CA10: variants seen among roughly 807,000 people sequenced by gnomAD.
CA10 encodes the protein carbonic anhydrase 10 (inactive).
In CA10, 14 loss-of-function variants were observed where a neutral mutation model predicts 44.2. The observed-to-expected ratio is 0.32, with a 90% CI of 0.21 to 0.50. The LOEUF is 0.50. CA10 is among the 20% of genes least tolerant of loss of function. The pLI is 0.99. For missense variants in CA10, 350 were observed against 409.7 expected, an observed-to-expected ratio of 0.85 and a Z score of 1.26; for synonymous variants, 159 against 141.6, an observed-to-expected ratio of 1.12 and a Z score of -0.87.
At chr17:51,704,879 CT>C (rs770898853) in intron 4 of CA10, among the ~76,000 whole-genome samples, 8 of 150,860 alleles carry the variant, frequency 5.3e-5, no homozygotes, top group Non-Finnish European at 1.0e-4. Flanking sequence ...AGGAGAATCG[CT>C]TGAAGCTGGG....
intron 3 of CA10, among the ~76,000 whole-genome samples, chr17:51,811,138 G>C (rs1313117480): frequency 6.7e-6 from 1 of 150,232 alleles, no homozygotes; most frequent in Non-Finnish European, 1.5e-5. Context: ...AGAGGTTGCA[G>C]TGAGCCAAGG....
At chr17:51,682,305 G>T (rs1914874232) in intron 4 of CA10, among the ~76,000 whole-genome samples, 1 of 152,204 alleles carries the variant, frequency 6.6e-6, no homozygotes, top group Non-Finnish European at 1.5e-5. Flanking sequence ...TTTATTCTGA[G>T]AGTTGGGCCA....
At chr17:51,722,082 A>T (rs1430986960) in intron 4 of CA10, among the ~76,000 whole-genome samples, 1 of 152,124 alleles carries the variant, frequency 6.6e-6, no homozygotes, top group African/African-American at 2.4e-5. Context: ...TTGCGATCTG[A>T]TGTTAACTTT....
At chr17:51,699,340 T>A (rs774568884) in intron 4 of CA10, among the ~76,000 whole-genome samples, 43 of 140,292 alleles carry the variant, frequency 3.1e-4, no homozygotes, top group Non-Finnish European at 5.6e-4. Context: ...AAAAAAAAAA[T>A]TATTTCCTTT....
intron 8 of CA10, among the ~76,000 whole-genome samples, chr17:51,632,633 A>G (rs1235125947): frequency 6.6e-6 from 1 of 152,160 alleles, no homozygotes; most frequent in Non-Finnish European, 1.5e-5. Context: ...ACTGTCACGA[A>G]GAAGCCAGGT....
chr17:51,706,581 C>T (rs1915769238), intron 4 of CA10, among the ~76,000 whole-genome samples: 1 of 152,218 alleles, frequency 6.6e-6, no homozygotes, highest in Non-Finnish European at 1.5e-5. Flanking sequence ...ATGGTCTTCT[C>T]TTGGCTAACA....
intron 2 of CA10, among the ~76,000 whole-genome samples, chr17:52,039,694 T>A (rs1317210157): frequency 6.6e-6 from 1 of 152,108 alleles, no homozygotes; most frequent in African/African-American, 2.4e-5. Context: ...TCACCCTATA[T>A]TTAAGTTAGA....
In CA10 at chr17:51,897,800, C is replaced by T. The variant is rs2651634; in HGVS notation, c.279+33190G>A. On this transcript the variant is annotated intron_variant, in intron 3 of 8. Coordinates refer to ENST00000451037, the MANE Select transcript of CA10 (RefSeq NM_020178.5). ...TTTACCTCCCTGGTTAGCTGTATTC[C>T]TAGGTATTTTATTCTTTTTTGTGGC... Among the ~76,000 whole-genome samples, 19 of 152,084 alleles carry T rather than the reference C, an allele frequency of 1.2e-4. No homozygotes were observed. In the East Asian group the frequency reaches 3.7e-3, roughly 29 times the overall value.
intron 3 of CA10, among the ~76,000 whole-genome samples, chr17:51,751,433 T>C (rs1313086153): frequency 6.6e-6 from 1 of 152,260 alleles, no homozygotes; most frequent in African/African-American, 2.4e-5. Context: ...GTATGTCATA[T>C]GTATTTTACA....
chr17:52,142,970 A>G (rs1325967282), intron 1 of CA10, among the ~76,000 whole-genome samples: 2 of 152,224 alleles, frequency 1.3e-5, no homozygotes, highest in South Asian at 2.1e-4. Flanking sequence ...TAATAGTTAA[A>G]TAAAATACTT....
chr17:51,739,168 T>G (rs768543651), intron 4 of CA10, among the ~76,000 whole-genome samples: 1 of 152,152 alleles, frequency 6.6e-6, no homozygotes, highest in Non-Finnish European at 1.5e-5. Flanking sequence ...CCAACGAATA[T>G]AGGTCATTCT....
intron 3 of CA10, among the ~76,000 whole-genome samples, chr17:51,838,481 T>C (rs1978295066): frequency 6.6e-6 from 1 of 152,240 alleles, no homozygotes; most frequent in African/African-American, 2.4e-5. Flanking sequence ...GAAATAAATG[T>C]ATGAAGTGGC....
At chr17:52,075,728 C>T (rs1206959962) in intron 1 of CA10, among the ~76,000 whole-genome samples, 1 of 152,100 alleles carries the variant, frequency 6.6e-6, no homozygotes, top group African/African-American at 2.4e-5. Flanking sequence ...GAAACGGTGA[C>T]ATCCCTATTG....
chr17:52,020,315 G>T (rs938472277), intron 2 of CA10, among the ~76,000 whole-genome samples: 3 of 151,618 alleles, frequency 2.0e-5, no homozygotes, highest in African/African-American at 7.3e-5. Context: ...TCATTGTTTT[G>T]GGGGGGTGGT....
At chr17:51,663,764 C>T (rs1255023853) in intron 4 of CA10, among the ~76,000 whole-genome samples, 2 of 152,078 alleles carry the variant, frequency 1.3e-5, no homozygotes, top group Non-Finnish European at 2.9e-5. Flanking sequence ...GGGAGAGGCC[C>T]TAGAATGATG....
At chr17:52,056,309 CA>C (rs1165445150) in intron 2 of CA10, among the ~76,000 whole-genome samples, 7 of 152,068 alleles carry the variant, frequency 4.6e-5, no homozygotes, top group African/African-American at 1.7e-4. Context: ...GCTTGCAGGG[CA>C]ATTTGGAATT....
chr17:51,959,467 T>TGGGGAC (rs1780202834), intron 2 of CA10, among the ~76,000 whole-genome samples: 1 of 151,878 alleles, frequency 6.6e-6, no homozygotes, highest in South Asian at 2.1e-4. Flanking sequence ...AATAAGCCCC[T>TGGGGAC]GGGGACTAGA....
intron 3 of CA10, among the ~76,000 whole-genome samples, chr17:51,838,773 C>G (rs534567999): frequency 6.6e-6 from 1 of 152,344 alleles, no homozygotes; most frequent in Admixed American, 6.5e-5. Flanking sequence ...CACAGTTATG[C>G]TCAAGGGAGC....
At chr17:52,003,365 C>T (rs1985493043) in intron 2 of CA10, among the ~76,000 whole-genome samples, 1 of 151,866 alleles carries the variant, frequency 6.6e-6, no homozygotes, top group South Asian at 2.1e-4. Flanking sequence ...CTTATCATCT[C>T]CCTACAAGCA....
Sources: allele counts gnomAD v4.1 joint callset (sites outside exome capture counted in the v4.1 genomes callset), GRCh38; gene constraint gnomAD v4.1.1; transcripts MANE v1.5; gene names NCBI Gene and HGNC (gene_info 2026-07-23, HGNC 2026-07-21).